The following HLF variants were observed in gnomAD, a reference collection of about 807,000 sequenced individuals.
HLF encodes hepatic leukemia factor.
In HLF, 3 loss-of-function variants were observed where a neutral mutation model predicts 22.6. The ratio of observed to expected loss-of-function variants is 0.13; its 90% confidence interval spans 0.06 to 0.34. HLF has a LOEUF of 0.34. Among genes scored for constraint, HLF ranks in the 10% least tolerant of loss-of-function variants. The pLI is 1.00. For synonymous variants in HLF, 151 were observed against 151.8 expected (o/e 0.99, Z 0.04); for missense variants, 299 against 389.2 (o/e 0.77, Z 1.95).
At position 55,265,241 on chromosome 17, in the gene HLF, C is replaced by G; in HGVS notation, c.-244C>G. The G allele has an allele frequency of 2.6e-6, 1 of 381,484 alleles. No homozygotes were observed. The highest frequency in any genetic ancestry group is 4.6e-6 in the Non-Finnish European group (1 of 217,274). The allele number at this position is 381,484 out of a possible 1,614,324, so 23.6% of individuals were successfully genotyped here. A position where few individuals can be genotyped will look rare whatever the true frequency, so the allele number is the denominator to read the frequency against. ...GCATCCTGCACGTCGCCGGGGAGCC[C>G]GCGGGCACTTGGCGCGCTCTCCTGG... On this transcript the variant is annotated 5_prime_UTR_variant, in exon 1 of 4. Transcript: ENST00000226067.
chr17:55,286,204 C>T (rs573041144), intron 2 of HLF, among the ~76,000 whole-genome samples: 284 of 152,304 alleles, frequency 1.9e-3, no homozygotes, highest in Non-Finnish European at 3.3e-3. Context: ...TTCAGCAAGC[C>T]GCCTGGAATG....
rs1274508991 is a variant in HLF, at chr17:55,321,993, A to G, written c.*1114A>G. 1.3e-5 allele frequency: 3 copies of G among 222,776 alleles called. No individual in the cohort carries two copies. The highest frequency in any genetic ancestry group is 2.7e-5 in the Non-Finnish European group (3 of 111,296). 13.8% of individuals were successfully genotyped at this position (222,776 alleles called of 1,614,324 possible). A position where few individuals can be genotyped will look rare whatever the true frequency, so the allele number is the denominator to read the frequency against. On this transcript the variant is annotated 3_prime_UTR_variant, in exon 4 of 4. Transcript: ENST00000226067. ...GGTAATATATATATTTTTGTGAATT[A>G]TACTTTGTTGTTTTTAAAAAGAAAA...
chr17:55,308,392 C>T (rs1032812166), intron 2 of HLF, among the ~76,000 whole-genome samples: 1 of 152,144 alleles, frequency 6.6e-6, no homozygotes, highest in Non-Finnish European at 1.5e-5. Context: ...TTGTGCTAAG[C>T]ACTTTGTATG....
At chr17:55,281,037 G>T (rs977133154) in intron 2 of HLF, among the ~76,000 whole-genome samples, 1 of 152,164 alleles carries the variant, frequency 6.6e-6, no homozygotes, top group Non-Finnish European at 1.5e-5. Flanking sequence ...CATGGGTCAC[G>T]CTTGATACAG....
intron 2 of HLF, among the ~76,000 whole-genome samples, chr17:55,310,288 T>G (rs999469752): frequency 4.6e-5 from 7 of 152,232 alleles, no homozygotes; most frequent in African/African-American, 1.7e-4. Flanking sequence ...GGGTTGATCT[T>G]GTCCACTATG....
At position 55,265,275 on chromosome 17, in the gene HLF, G is replaced by T. The variant is rs2080776608; in HGVS notation, c.-210G>T. ...TTGGCGCGCTCTCCTGGGACCGTCTGCACTGGAAACCCGAAAGTTTTTTTT... is the reference window on the plus strand; with the variant it reads ...TTGGCGCGCTCTCCTGGGACCGTCTTCACTGGAAACCCGAAAGTTTTTTTT... On this transcript the variant is annotated 5_prime_UTR_variant, in exon 1 of 4. Transcript: ENST00000226067. 1 of 476,186 alleles carries T rather than the reference G, an allele frequency of 2.1e-6. No individual in the cohort carries two copies. The highest frequency in any genetic ancestry group is 2.0e-5 in the African/African-American group (1 of 48,836). 29.5% of individuals were successfully genotyped at this position (476,186 alleles called of 1,614,324 possible).
intron 3 of HLF, among the ~76,000 whole-genome samples, chr17:55,318,376 T>A (rs1905146767): frequency 1.3e-5 from 2 of 152,144 alleles, no homozygotes; most frequent in Admixed American, 1.3e-4. Context: ...TGTTTTGCAT[T>A]CCACACCTTG....
rs2081094914 is a variant in HLF at position 55,294,586 on chromosome 17, G to A, written c.452-20641G>A. ...GTGTAAGGCAAGTTGTACGAGCAAA[G>A]CATCCGCAGCTCAGAATGCAAAAAT... On this transcript the variant is annotated intron_variant, in intron 2 of 3. Coordinates refer to ENST00000226067, the MANE Select transcript of HLF (RefSeq NM_002126.5). Among the ~76,000 whole-genome samples, 4 of 152,208 alleles carry A rather than the reference G, an allele frequency of 2.6e-5. No individual in the cohort carries two copies. In the South Asian group the frequency reaches 8.3e-4, roughly 32 times the overall value.
chr17:55,284,592 A>T (rs930675696), intron 2 of HLF, among the ~76,000 whole-genome samples: 2 of 152,276 alleles, frequency 1.3e-5, no homozygotes, highest in South Asian at 2.1e-4. Flanking sequence ...ATGGTTGGGA[A>T]GCCTGGGCAC....
Position 55,295,219 on chromosome 17 carries a change from G to C in HLF, c.452-20008G>C, listed in dbSNP as rs905383968. ...GGAGGGAAGATGGGAGATGATCCTT[G>C]AGTTGTGTCTTGAAGAATGAGCAAA... is the stretch of plus-strand genomic sequence containing the variant. On this transcript the variant is annotated intron_variant, in intron 2 of 3. Coordinates refer to ENST00000226067, the MANE Select transcript of HLF (RefSeq NM_002126.5). Among the ~76,000 whole-genome samples, 265 of 152,332 alleles carry C rather than the reference G, an allele frequency of 1.7e-3. 1 individual carries two copies. The highest frequency in any genetic ancestry group is 6.2e-3 in the African/African-American group (258 of 41,580).
chr17:55,267,921 G>A lies in HLF; in HGVS notation c.286G>A (p.Gly96Ser). The part of the protein sequence containing the change: ...MDLEEFLSEN[G>S]IPPSPSQHDH... Reference sequence around the variant, plus strand: ...CCTGGAGGAGTTTTTGTCAGAAAATGGCATTCCCCCCAGCCCATCTCAGCA... The same window carrying A: ...CCTGGAGGAGTTTTTGTCAGAAAATAGCATTCCCCCCAGCCCATCTCAGCA... The change falls in exon 2 of 4, where the codon GGC becomes AGC. Residue 96 changes from glycine to serine, a missense_variant. Physicochemically the swap from Gly to Ser is moderately conservative, Grantham distance 56 (BLOSUM62 0). Transcript: ENST00000226067. 1 of 1,614,074 alleles carries A rather than the reference G, an allele frequency of 6.2e-7. No individual in the cohort carries two copies. Among genetic ancestry groups the A allele is most frequent in the Admixed American group, 1.7e-5 (1 of 60,010 alleles).
chr17:55,313,860 G>A (rs74566541), intron 2 of HLF, among the ~76,000 whole-genome samples: 2,373 of 152,272 alleles, frequency 0.016, 65 homozygotes, highest in African/African-American at 0.055. Context: ...GTGGGACCTA[G>A]AAGGTCACCC....
intron 3 of HLF, among the ~76,000 whole-genome samples, chr17:55,317,813 C>T (rs934852719): frequency 4.0e-5 from 6 of 151,852 alleles, no homozygotes; most frequent in African/African-American, 1.2e-4. Context: ...CTCTCTTGAG[C>T]CAATCATTAG....
At chr17:55,291,586 T>TGTACAA (rs2081062353) in intron 2 of HLF, among the ~76,000 whole-genome samples, 2 of 144,468 alleles carry the variant, frequency 1.4e-5, no homozygotes, top group Non-Finnish European at 3.0e-5. Context: ...CCAAAAACTC[T>TGTACAA]GATGGAGATG....
chr17:55,292,155 G>A (rs2081069255), intron 2 of HLF, among the ~76,000 whole-genome samples: 2 of 152,328 alleles, frequency 1.3e-5, no homozygotes, highest in Non-Finnish European at 2.9e-5. Flanking sequence ...AACTTAGTTG[G>A]TATAGCAGTG....
At chr17:55,270,566 C>T (rs1598386222) in intron 2 of HLF, among the ~76,000 whole-genome samples, 1 of 151,662 alleles carries the variant, frequency 6.6e-6, no homozygotes, top group South Asian at 2.1e-4. Context: ...GGGAAGAGCA[C>T]AGATGTAGCC....
At chr17:55,280,639 T>C (rs1450260136) in intron 2 of HLF, among the ~76,000 whole-genome samples, 1 of 149,966 alleles carries the variant, frequency 6.7e-6, no homozygotes, top group East Asian at 2.0e-4. Context: ...CATAAAGTAG[T>C]GAACTGGCTG....
intron 2 of HLF, among the ~76,000 whole-genome samples, chr17:55,284,778 C>G (rs1292948419): frequency 6.6e-6 from 1 of 152,164 alleles, no homozygotes; most frequent in Non-Finnish European, 1.5e-5. Context: ...CAGCTCCTGC[C>G]CCCAACACCC....
chr17:55,282,729 A>G (rs1461465728), intron 2 of HLF, among the ~76,000 whole-genome samples: 1 of 152,200 alleles, frequency 6.6e-6, no homozygotes, highest in East Asian at 1.9e-4. Flanking sequence ...TTCAAAGACT[A>G]CTATGTGCTG....
Sources: allele counts gnomAD v4.1 joint callset (sites outside exome capture counted in the v4.1 genomes callset), GRCh38; gene constraint gnomAD v4.1.1; transcripts MANE v1.5; gene names NCBI Gene and HGNC (gene_info 2026-07-23, HGNC 2026-07-21).